ABLIM1: variants seen among roughly 807,000 people sequenced by gnomAD.
ABLIM1 encodes actin binding LIM protein 1.
ABLIM1 carries 40 observed loss-of-function variants against 107.0 expected under a neutral mutation model. The ratio of observed to expected loss-of-function variants is 0.37; its 90% CI spans 0.29 to 0.49. The LOEUF is 0.49. Ranked by LOEUF, ABLIM1 falls within the 20% of genes least tolerant of loss-of-function variation. The pLI, the probability that ABLIM1 is intolerant of heterozygous loss-of-function variation, is 0.97. For synonymous variants in ABLIM1, 357 were observed against 357.3 expected (o/e 1.00, Z 0.01); for missense variants, 857 against 1,008.5 (o/e 0.85, Z 2.04).
In ABLIM1 at chr10:114,707,197, C is replaced by A. The variant is rs73371894; in HGVS notation, c.-213+60864G>T. 0.026 allele frequency among the ~76,000 whole-genome samples: 3,965 copies of A among 152,182 alleles called. 157 individuals are homozygous for A. The highest frequency in any genetic ancestry group is 0.09 in the African/African-American group (3,737 of 41,488). On this transcript the variant is annotated intron_variant, in intron 1 of 15. Transcript: ENST00000651092. The surrounding 1 kb of genome is among the most constrained non-coding windows in gnomAD (Gnocchi z 4.1). ...ACCATACATACAGTGCAATTAGAGACCATCATATCCCAAAGTTCTCCAGTA... is the reference window on the plus strand; with the variant it reads ...ACCATACATACAGTGCAATTAGAGAACATCATATCCCAAAGTTCTCCAGTA...
At chr10:114,492,992 T>C (rs2059205852) in intron 6 of ABLIM1, among the ~76,000 whole-genome samples, 1 of 152,238 alleles carries the variant, frequency 6.6e-6, no homozygotes, top group Non-Finnish European at 1.5e-5. Context: ...AAAAATCTTT[T>C]CAGTGGTGCC....
chr10:114,628,872 C>T (rs766088638), intron 1 of ABLIM1, among the ~76,000 whole-genome samples: 1 of 152,132 alleles, frequency 6.6e-6, no homozygotes, highest in Non-Finnish European at 1.5e-5. Flanking sequence ...CTAGACATTA[C>T]AGCTTTTTAA....
At chr10:114,494,170 A>G (rs2059382010) in intron 6 of ABLIM1, among the ~76,000 whole-genome samples, 1 of 152,234 alleles carries the variant, frequency 6.6e-6, no homozygotes, top group Non-Finnish European at 1.5e-5. Flanking sequence ...GGATTAATAA[A>G]TAGAGAGGAC....
chr10:114,747,094 A>G (rs1379466332), intron 1 of ABLIM1, among the ~76,000 whole-genome samples: 5 of 152,220 alleles, frequency 3.3e-5, no homozygotes, highest in Non-Finnish European at 5.9e-5. Flanking sequence ...AAGTCTTCAT[A>G]GCATATCAAA....
chr10:114,743,740 C>T (rs1591926316), intron 1 of ABLIM1, among the ~76,000 whole-genome samples: 1 of 152,146 alleles, frequency 6.6e-6, no homozygotes, highest in East Asian at 1.9e-4. Context: ...GCTGTGGCTG[C>T]CTCCTGTTCT....
intron 1 of ABLIM1, among the ~76,000 whole-genome samples, chr10:114,692,768 T>C (rs1010324942): frequency 6.6e-6 from 1 of 152,118 alleles, no homozygotes; most frequent in Non-Finnish European, 1.5e-5. Flanking sequence ...CGGGTACCTG[T>C]AGTCCCAGCT....
chr10:114,759,147 G>A (rs2082691718), intron 1 of ABLIM1, among the ~76,000 whole-genome samples: 1 of 152,050 alleles, frequency 6.6e-6, no homozygotes. Context: ...GGCTTTTATA[G>A]GTTCATCAAC....
chr10:114,603,797 T>C (rs1372231991), intron 1 of ABLIM1, among the ~76,000 whole-genome samples: 3 of 151,662 alleles, frequency 2.0e-5, no homozygotes, highest in Non-Finnish European at 4.4e-5. Flanking sequence ...CTACTAAAAA[T>C]ACAAAATTAG....
At position 114,693,438 on chromosome 10, in the gene ABLIM1, G is replaced by A. The variant is rs1191433133; in HGVS notation, c.-213+74623C>T. On this transcript the variant is annotated intron_variant, in intron 1 of 15. Transcript: ENST00000651092. ...CAAGGCAGGAGTGGACCAGCCACAG[G>A]CTCTGAGCAACATGCTCTCATGCGT... 3.3e-5 allele frequency among the ~76,000 whole-genome samples: 5 copies of A among 152,180 alleles called. No homozygotes were observed. In the South Asian group the frequency reaches 6.2e-4, roughly 19 times the overall value.
intron 1 of ABLIM1, among the ~76,000 whole-genome samples, chr10:114,675,839 T>C (rs2080458817): frequency 6.6e-6 from 1 of 152,166 alleles, no homozygotes; most frequent in Non-Finnish European, 1.5e-5. Context: ...GTTCCATTCC[T>C]CTCTGCTACT....
chr10:114,797,711 AG>A, the ABLIM1 span, among the ~76,000 whole-genome samples: 2 of 152,230 alleles, frequency 1.3e-5, no homozygotes, highest in Non-Finnish European at 1.5e-5. Flanking sequence ...CTTGAAATAC[AG>A]GAAGTCTCAA....
intron 2 of ABLIM1, among the ~76,000 whole-genome samples, chr10:114,601,085 CACACACACACACACACACACAG>C (rs1167004798): frequency 2.1e-5 from 3 of 141,070 alleles, no homozygotes; most frequent in Admixed American, 6.9e-5. Flanking sequence ...CACACACACA[CACACACACACACACACACACAG>C]AAGCCAGTGA....
At chr10:114,464,727 T>C (rs1019999586) in intron 12 of ABLIM1, among the ~76,000 whole-genome samples, 13 of 152,236 alleles carry the variant, frequency 8.5e-5, no homozygotes, top group Admixed American at 6.5e-4. Flanking sequence ...TCTTAGAAGA[T>C]TGCAGCTTTT....
At chr10:114,745,147 C>T (rs2082357705) in intron 1 of ABLIM1, among the ~76,000 whole-genome samples, 1 of 152,126 alleles carries the variant, frequency 6.6e-6, no homozygotes, top group Non-Finnish European at 1.5e-5. Flanking sequence ...CTCCACTGCC[C>T]CACCCTCTCC....
intron 10 of ABLIM1, among the ~76,000 whole-genome samples, chr10:114,468,564 G>A (rs1005803841): frequency 1.1e-4 from 17 of 151,860 alleles, no homozygotes; most frequent in East Asian, 5.9e-4. Flanking sequence ...GTGAGCCACC[G>A]CGCCTGGCCT....
At chr10:114,560,255 A>G (rs2069487085) in intron 4 of ABLIM1, among the ~76,000 whole-genome samples, 2 of 152,152 alleles carry the variant, frequency 1.3e-5, no homozygotes, top group African/African-American at 4.8e-5. Flanking sequence ...AATGCCCATT[A>G]ACAGATGAAT....
chr10:114,577,917 A>G (rs1481341691), intron 2 of ABLIM1, among the ~76,000 whole-genome samples: 1 of 152,162 alleles, frequency 6.6e-6, no homozygotes, highest in East Asian at 1.9e-4. Flanking sequence ...TATACTTAAC[A>G]TTATTACATT....
chr10:114,606,957 A>G (rs1393549637), intron 1 of ABLIM1, among the ~76,000 whole-genome samples: 1 of 151,886 alleles, frequency 6.6e-6, no homozygotes, highest in East Asian at 1.9e-4. Flanking sequence ...TTTCCCAACA[A>G]ATTTGTCCAC....
intron 20 of ABLIM1, 154 bp downstream of exon 20, chr10:114,439,928 G>C: frequency 7.5e-7 from 1 of 1,331,346 alleles, no homozygotes; most frequent in Non-Finnish European, 1.0e-6. Flanking sequence ...CACCAGGCAT[G>C]TCTGCTCTTC....
Sources: allele counts gnomAD v4.1 joint callset (sites outside exome capture counted in the v4.1 genomes callset), GRCh38; gene constraint gnomAD v4.1.1; non-coding constraint Gnocchi (gnomAD v3.1); transcripts MANE v1.5; gene names NCBI Gene and HGNC (gene_info 2026-07-23, HGNC 2026-07-21).